Variants in GOLGA3 observed in about 807,000 individuals in gnomAD.
GOLGA3 encodes golgin subfamily A member 3.
Under a neutral mutation model 169.4 loss-of-function variants are expected in GOLGA3, and 75 were observed. The observed-to-expected ratio is 0.44, with a 90% confidence interval of 0.37 to 0.54. The LOEUF (loss-of-function observed/expected upper bound fraction) is 0.54. Among genes scored for constraint, GOLGA3 ranks in the 20% least tolerant of loss-of-function variants. The probability of loss-of-function intolerance (pLI) is 0.00; values close to 1 mark genes in which losing one functional copy is unlikely to be tolerated. For missense variants in GOLGA3, 1,899 were observed against 1,930.0 expected (o/e 0.98, Z 0.30); for synonymous variants, 824 against 822.4 (o/e 1.00, Z -0.03).
At chr12:132,825,811 C>T in intron 1 of GOLGA3, 1 of 1,069,858 alleles carries the variant, frequency 9.3e-7, no homozygotes, top group South Asian at 1.2e-5. Context: ...TGCGGTACTA[C>T]AAGAACATTG....
chr12:132,777,159 A>T lies in GOLGA3; in HGVS notation c.3723-69T>A. On this transcript the variant is annotated intron_variant, in intron 19 of 23. Coordinates refer to ENST00000450791, the MANE Select transcript of GOLGA3 (RefSeq NM_001389683.1). This position sits in a 1 kb window ranked among gnomAD's most constrained non-coding sequence, Gnocchi z 4.7. ...CAGTGTGCTGTGCCCTCCCGCTGGG[A>T]AATGCTGCCTGTGGAAGGCGTTCGT... 1 of 1,500,820 alleles carries T rather than the reference A, an allele frequency of 6.7e-7. No individual in the cohort carries two copies. The highest frequency in any genetic ancestry group is 8.9e-7 in the Non-Finnish European group (1 of 1,118,364). 93.0% of individuals were successfully genotyped at this position (1,500,820 alleles called of 1,614,324 possible).
intron 15 of GOLGA3, among the ~76,000 whole-genome samples, chr12:132,784,788 A>C (rs1564646): frequency 1.4e-5 from 1 of 69,424 alleles, no homozygotes; most frequent in Non-Finnish European, 2.6e-5. Flanking sequence ...ACACATGCAC[A>C]TGTGCTCACA....
intron 8 of GOLGA3, 125 bp downstream of exon 8, chr12:132,801,641 TG>T: frequency 1.1e-6 from 1 of 877,246 alleles, no homozygotes. Flanking sequence ...CGGGGTGGGC[TG>T]GACAGCAGGT....
At position 132,819,390 on chromosome 12, in the gene GOLGA3, G is replaced by A. The variant is rs527339140; in HGVS notation, c.134-2578C>T. 4.5e-4 allele frequency among the ~76,000 whole-genome samples: 69 copies of A among 152,286 alleles called. 1 individual carries two copies. The highest frequency in any genetic ancestry group is 3.9e-3 in the South Asian group (19 of 4,828). ...TAAAAATACAAAGACTTAGCTGGGC[G>A]TGGTGGCGGGCGCCTATAGTCCCAG... On this transcript the variant is annotated intron_variant, in intron 2 of 23. Transcript: ENST00000450791.
intron 4 of GOLGA3, among the ~76,000 whole-genome samples, chr12:132,811,332 G>A (rs1949699196): frequency 6.6e-6 from 1 of 152,100 alleles, no homozygotes. Flanking sequence ...CCTCAACAGA[G>A]CAGCTACCCC....
rs184100041 is a variant in GOLGA3 at position 132,790,159 on chromosome 12, G to A, written c.2548-869C>T. Among the ~76,000 whole-genome samples, 420 of 151,884 alleles carry A rather than the reference G, an allele frequency of 2.8e-3. 3 individuals carry two copies. Among genetic ancestry groups the A allele is most frequent in the African/African-American group, 9.4e-3 (389 of 41,410 alleles). On this transcript the variant is annotated intron_variant, in intron 12 of 23. Coordinates refer to ENST00000450791, the MANE Select transcript of GOLGA3 (RefSeq NM_001389683.1). ...ATCCTGGCTAACACGGTGAAACCCC[G>A]TCTCTACTAAAAATGCAAAAAAAAA...
At position 132,772,758 on chromosome 12, in the gene GOLGA3, A is replaced by G. The variant is rs1237872567; in HGVS notation, c.*347T>C. Reference sequence around the variant, plus strand: ...CAGGCGCGGTGCCGCAGACCCTGTCACACAGCTGCTCCCAGTTACGCAGCC... The same window carrying G: ...CAGGCGCGGTGCCGCAGACCCTGTCGCACAGCTGCTCCCAGTTACGCAGCC... On this transcript the variant is annotated 3_prime_UTR_variant, in exon 24 of 24. Coordinates refer to ENST00000450791, the MANE Select transcript of GOLGA3 (RefSeq NM_001389683.1). 9.8e-6 allele frequency: 2 copies of G among 203,146 alleles called. No homozygotes were observed. The highest frequency in any genetic ancestry group is 9.9e-6 in the Non-Finnish European group (1 of 100,714). 12.6% of individuals were successfully genotyped at this position (203,146 alleles called of 1,614,324 possible).
intron 1 of GOLGA3, among the ~76,000 whole-genome samples, chr12:132,823,703 C>T (rs1950304702): frequency 6.6e-6 from 1 of 151,942 alleles, no homozygotes; most frequent in African/African-American, 2.4e-5. Context: ...AGGAGAATCA[C>T]TTGAACCTGG....
Position 132,784,027 on chromosome 12 carries a change from C to A in GOLGA3, c.3267+137G>T. 3 of 1,525,476 alleles carry A rather than the reference C, an allele frequency of 2.0e-6. No individual in the cohort carries two copies. In the South Asian group the frequency reaches 3.6e-5, roughly 18 times the overall value. The allele number at this position is 1,525,476 out of a possible 1,614,324, so 94.5% of individuals were successfully genotyped here. ...CACCACAGAGCCAGAGGCCGACGGT[C>A]AGAAGGTGGCAACACCAAAAGTAGC... On this transcript the variant is annotated intron_variant, in intron 16 of 23. Transcript: ENST00000450791.
intron 1 of GOLGA3, among the ~76,000 whole-genome samples, chr12:132,822,752 C>G (rs1950268295): frequency 6.6e-6 from 1 of 152,056 alleles, no homozygotes; most frequent in Non-Finnish European, 1.5e-5. Flanking sequence ...GAAACCCCCA[C>G]CTCTACTAAA....
intron 8 of GOLGA3, 86 bp downstream of exon 8, chr12:132,801,680 TA>T: frequency 2.2e-6 from 3 of 1,343,876 alleles, no homozygotes; most frequent in Non-Finnish European, 3.1e-6. Context: ...CTGTGAACTC[TA>T]AAAACAGAAA....
Position 132,796,131 on chromosome 12 carries a change from C to G in GOLGA3, c.2190G>C (p.Gln730His), listed in dbSNP as rs776580126. 128 of 1,611,804 alleles carry G rather than the reference C, an allele frequency of 7.9e-5. No homozygotes were observed. The highest frequency in any genetic ancestry group is 1.0e-4 in the Non-Finnish European group (121 of 1,179,020). Residue 730 changes from glutamine to histidine, a missense_variant, in exon 11 of 24, where the codon CAG becomes CAC. Physicochemically the swap from Gln to His is conservative, Grantham distance 24. Coordinates refer to ENST00000450791, the MANE Select transcript of GOLGA3 (RefSeq NM_001389683.1). Reference protein sequence around the residue: ...LDLMKQLTLTQEALQSREQSL... With the variant: ...LDLMKQLTLTHEALQSREQSL... ...ACTGCTCCCTGCTCTGCAGAGCCTC[C>G]TGAGTCAAGGTGAGCTGTTTCATCA...
chr12:132,813,279 T>C (rs1274086430), intron 4 of GOLGA3, 28 bp downstream of exon 4: 5 of 1,449,894 alleles, frequency 3.4e-6, no homozygotes, highest in South Asian at 1.1e-5. Flanking sequence ...AAGCTTTCCA[T>C]GAGCTTGTTC....
At position 132,774,210 on chromosome 12, in the gene GOLGA3, G is replaced by A. The variant is rs554970483; in HGVS notation, c.4254C>T (p.Pro1418=). 7.6e-5 allele frequency: 122 copies of A among 1,610,638 alleles called. No homozygotes were observed. Among genetic ancestry groups the A allele is most frequent in the Non-Finnish European group, 9.3e-5 (110 of 1,178,690 alleles). The change falls in exon 23 of 24, where the codon CCC becomes CCT. Residue 1418 remains proline (P), a synonymous_variant. Coordinates refer to ENST00000450791, the MANE Select transcript of GOLGA3 (RefSeq NM_001389683.1). ...TCTTGAGGGGCTCCTTGCTCACGGCGGGCGGTGGTCTCAGCAGCTCCTCCA... is the reference window on the plus strand; with the variant it reads ...TCTTGAGGGGCTCCTTGCTCACGGCAGGCGGTGGTCTCAGCAGCTCCTCCA... The part of the protein sequence containing the change: ...SLLEELLRPP[P]AVSKEPLKNL...
At chr12:132,782,250 C>A (rs779869010) in intron 17 of GOLGA3, 46 bp downstream of exon 17, 2 of 1,484,210 alleles carry the variant, frequency 1.3e-6, no homozygotes, top group East Asian at 2.3e-5. Context: ...CACAGCCCCA[C>A]CAACTCTCAC....
At chr12:132,803,528 C>T (rs903512659) in intron 7 of GOLGA3, among the ~76,000 whole-genome samples, 15 of 152,166 alleles carry the variant, frequency 9.9e-5, no homozygotes, top group South Asian at 4.1e-4. Flanking sequence ...TCAAGTGAAG[C>T]GTGGCAACCC....
At chr12:132,781,356 G>A (rs1042213796) in intron 17 of GOLGA3, among the ~76,000 whole-genome samples, 10 of 152,182 alleles carry the variant, frequency 6.6e-5, no homozygotes, top group South Asian at 4.1e-4. Context: ...TCAGAAAATC[G>A]AGACCATCCT....
rs1165371916 is a variant in GOLGA3, at chr12:132,822,165, C to T, written c.-37G>A. The T allele has an allele frequency of 3.8e-6, 6 of 1,578,326 alleles. No homozygotes were observed. The highest frequency in any genetic ancestry group is 1.4e-5 in the African/African-American group (1 of 72,378). ...CACCAGCTGAGCTGACGCTGAGGGG[C>T]TACAAGTGAACCTTGGACAAGCTTG... On this transcript the variant is annotated 5_prime_UTR_variant, in exon 2 of 24. Coordinates refer to ENST00000450791, the MANE Select transcript of GOLGA3 (RefSeq NM_001389683.1).
At chr12:132,797,738 G>C (rs1020499222) in intron 9 of GOLGA3, among the ~76,000 whole-genome samples, 8 of 152,058 alleles carry the variant, frequency 5.3e-5, no homozygotes, top group African/African-American at 9.7e-5. Context: ...GCGGCTCAGA[G>C]AGGTAAGAAA....
Sources: gnomAD v4.1 joint callset for allele counts (sites outside exome capture counted in the v4.1 genomes callset) on GRCh38, gnomAD v4.1.1 for gene constraint, Gnocchi (gnomAD v3.1) non-coding constraint, MANE v1.5 for transcripts, NCBI Gene and HGNC (gene_info 2026-07-23, HGNC 2026-07-21) for gene names.